Variants in CNOT4 observed in about 807,000 individuals in gnomAD.
CNOT4 encodes the protein CCR4-associated factor 4.
In CNOT4, 8 loss-of-function variants were observed where a neutral mutation model predicts 73.8. The observed-to-expected ratio is 0.11, with a 90% CI of 0.06 to 0.20. CNOT4 has a LOEUF of 0.20. CNOT4 is among the 10% of genes least tolerant of loss of function. The pLI, the probability that CNOT4 is intolerant of heterozygous loss-of-function variation, is 1.00. For missense variants in CNOT4, 564 were observed against 883.4 expected, an observed-to-expected ratio of 0.64 and a Z score of 4.58; for synonymous variants, 293 against 321.1, an observed-to-expected ratio of 0.91 and a Z score of 0.94.
Position 135,395,794 on chromosome 7 carries a change from C to G in CNOT4, c.969G>C (p.Arg323=), listed in dbSNP as rs1182304045. ...CTGTTACTGCCCCTTCAAAAGGGGACCGTGCACTGTGATTGGATGAACTGA... is the reference window on the plus strand; with the variant it reads ...CTGTTACTGCCCCTTCAAAAGGGGAGCGTGCACTGTGATTGGATGAACTGA... ...IPISSSNHSA[R]SPFEGAVTES... Residue 323 remains arginine, a synonymous_variant, in exon 9 of 12, where the codon CGG becomes CGC. Coordinates refer to ENST00000541284, the MANE Select transcript of CNOT4 (RefSeq NM_001190850.2). 3 of 1,613,688 alleles carry G rather than the reference C, an allele frequency of 1.9e-6. No homozygotes were observed. In the South Asian group the frequency reaches 3.3e-5, roughly 18 times the overall value.
chr7:135,366,343 A>C (rs1262188236), intron 10 of CNOT4, among the ~76,000 whole-genome samples: 1 of 152,256 alleles, frequency 6.6e-6, no homozygotes, highest in Non-Finnish European at 1.5e-5. Flanking sequence ...CAATAAAGGC[A>C]GAGGGGTTAT....
At chr7:135,491,039 G>C (rs1041091019) in intron 1 of CNOT4, among the ~76,000 whole-genome samples, 16 of 152,224 alleles carry the variant, frequency 1.1e-4, no homozygotes, top group Admixed American at 2.6e-4. Flanking sequence ...AAGGTTTCTG[G>C]CCTGAGCAAC....
chr7:135,500,236 C>T (rs1380274698), intron 1 of CNOT4, among the ~76,000 whole-genome samples: 1 of 152,136 alleles, frequency 6.6e-6, no homozygotes, highest in African/African-American at 2.4e-5. Context: ...CCACATGCTA[C>T]ATACAGTAGA....
chr7:135,368,457 A>G (rs1313766826), intron 10 of CNOT4, among the ~76,000 whole-genome samples: 1 of 152,240 alleles, frequency 6.6e-6, no homozygotes, highest in Admixed American at 6.5e-5. Flanking sequence ...AGGGGCTAAA[A>G]GTCTAGACAG....
intron 10 of CNOT4, among the ~76,000 whole-genome samples, chr7:135,391,590 TAAAAC>T (rs903206630): frequency 3.3e-5 from 5 of 152,052 alleles, no homozygotes; most frequent in Non-Finnish European, 5.9e-5. Context: ...TTTTAAAAAT[TAAAAC>T]AAAATCCCCA....
chr7:135,438,086 T>G (rs968535205), intron 2 of CNOT4, 72 bp downstream of exon 2: 2 of 756,984 alleles, frequency 2.6e-6, no homozygotes, highest in African/African-American at 3.5e-5. Context: ...TAAATTCACT[T>G]GCTCATATAC....
intron 1 of CNOT4, among the ~76,000 whole-genome samples, chr7:135,471,576 T>C (rs138007150): frequency 1.1e-3 from 173 of 152,342 alleles, no homozygotes; most frequent in African/African-American, 3.8e-3. Context: ...CATAAAATTA[T>C]AGGCAGAATA....
At chr7:135,369,405 G>A (rs1795077324) in intron 10 of CNOT4, among the ~76,000 whole-genome samples, 2 of 152,152 alleles carry the variant, frequency 1.3e-5, no homozygotes, top group South Asian at 4.1e-4. Context: ...TTACCGGGAA[G>A]CAGTCACTGA....
intron 10 of CNOT4, chr7:135,384,693 TGCCAG>T (rs1377748409): frequency 1.3e-6 from 1 of 765,244 alleles, no homozygotes; most frequent in African/African-American, 1.7e-5. Context: ...TCTTCAGCAC[TGCCAG>T]TCTCTTCCTC....
chr7:135,443,299 G>A (rs1237748376), intron 1 of CNOT4, among the ~76,000 whole-genome samples: 2 of 150,614 alleles, frequency 1.3e-5, no homozygotes, highest in East Asian at 3.9e-4. Context: ...AGGTTTCAGT[G>A]AGCCTAGATC....
chr7:135,445,167 TC>T (rs2129485633), intron 1 of CNOT4, among the ~76,000 whole-genome samples: 1 of 152,320 alleles, frequency 6.6e-6, no homozygotes, highest in East Asian at 1.9e-4. Context: ...TGGGGTTGCC[TC>T]CCAGCTTCTT....
At chr7:135,451,387 G>A (rs763874353) in intron 1 of CNOT4, among the ~76,000 whole-genome samples, 8 of 152,088 alleles carry the variant, frequency 5.3e-5, no homozygotes, top group Non-Finnish European at 1.0e-4. Context: ...TCCACCTCCC[G>A]AGTTCAAGCA....
At chr7:135,459,276 G>A (rs1045976768) in intron 1 of CNOT4, among the ~76,000 whole-genome samples, 9 of 150,706 alleles carry the variant, frequency 6.0e-5, no homozygotes, top group African/African-American at 1.7e-4. Flanking sequence ...TAAACAGATA[G>A]GCTGTCAGCC....
intron 1 of CNOT4, among the ~76,000 whole-genome samples, chr7:135,489,970 TAAACAGATAAAAGAAATG>T (rs1802999305): frequency 6.6e-6 from 1 of 152,190 alleles, no homozygotes. Flanking sequence ...GAAAAGAATG[TAAACAGATAAAAGAAATG>T]AACTGTGAAG....
chr7:135,385,641 T>C lies in CNOT4; in HGVS notation c.1627+8277A>G, dbSNP rs561318423. ...TGTTTGTCTTTCCTAGTAAGGTTTT[T>C]TCACCTCCCTCCAAATTATCATAAA... On this transcript the variant is annotated intron_variant, in intron 10 of 11. Coordinates refer to ENST00000541284, the MANE Select transcript of CNOT4 (RefSeq NM_001190850.2). Among the ~76,000 whole-genome samples the C allele has an allele frequency of 8.5e-5, 13 of 152,328 alleles. No individual in the cohort carries two copies. The South Asian group carries it at 2.5e-3, about 29-fold the overall frequency.
chr7:135,465,176 T>C (rs186177562), intron 1 of CNOT4, among the ~76,000 whole-genome samples: 6 of 152,336 alleles, frequency 3.9e-5, no homozygotes, highest in Admixed American at 2.0e-4. Context: ...GAGTTCACTG[T>C]TTAATTCATT....
At chr7:135,438,531 C>T in intron 1 of CNOT4, 108 bp from the exon 2 acceptor site, 1 of 390,894 alleles carries the variant, frequency 2.6e-6, no homozygotes, top group Non-Finnish European at 4.5e-6. Context: ...TGAGCAACTA[C>T]TGTTATCAAC....
At chr7:135,397,301 G>A (rs1194000739) in intron 8 of CNOT4, among the ~76,000 whole-genome samples, 2 of 151,800 alleles carry the variant, frequency 1.3e-5, no homozygotes, top group East Asian at 3.9e-4. Context: ...CATTATGATG[G>A]GATATCAAAA....
At chr7:135,497,824 C>T (rs909713932) in intron 1 of CNOT4, among the ~76,000 whole-genome samples, 11 of 152,152 alleles carry the variant, frequency 7.2e-5, no homozygotes, top group Non-Finnish European at 8.8e-5. Context: ...AAACACATTC[C>T]TTATATTTCT....
Sources: allele counts gnomAD v4.1 joint callset (sites outside exome capture counted in the v4.1 genomes callset), GRCh38; gene constraint gnomAD v4.1.1; transcripts MANE v1.5; gene names NCBI Gene and HGNC (gene_info 2026-07-23, HGNC 2026-07-21).